DYNC2H1: variants seen among roughly 807,000 people sequenced by gnomAD.
DYNC2H1 encodes cytoplasmic dynein 2 heavy chain 1.
Under a neutral mutation model 570.0 loss-of-function variants are expected in DYNC2H1, and 410 were observed. The observed-to-expected ratio is 0.72, with a 90% CI of 0.66 to 0.78. The LOEUF is 0.78. Among genes scored for constraint, DYNC2H1 ranks in the 30% least tolerant of loss-of-function variants. The pLI is 0.00. For missense variants in DYNC2H1, 4,865 were observed against 5,046.4 expected, an observed-to-expected ratio of 0.96 and a Z score of 1.09; for synonymous variants, 1,688 against 1,677.6, an observed-to-expected ratio of 1.01 and a Z score of -0.15.
At chr11:103,394,907 C>G (rs777924190) in intron 83 of DYNC2H1, among the ~76,000 whole-genome samples, 5 of 151,880 alleles carry the variant, frequency 3.3e-5, no homozygotes, top group African/African-American at 4.8e-5. Context: ...AAATGGGTGG[C>G]AAGAAATTCT....
chr11:103,218,137 A>T (rs1386731437), intron 55 of DYNC2H1, among the ~76,000 whole-genome samples: 1 of 152,244 alleles, frequency 6.6e-6, no homozygotes, highest in Non-Finnish European at 1.5e-5. Flanking sequence ...ATAATGCTAC[A>T]GTTACTTTTC....
At position 103,448,137 on chromosome 11, in the gene DYNC2H1, A is replaced by T. The variant is rs1591771125; in HGVS notation, c.12457-7049A>T. Among the ~76,000 whole-genome samples, 3 of 152,178 alleles carry T rather than the reference A, an allele frequency of 2.0e-5. 1 individual carries two copies. The South Asian group carries it at 6.2e-4, about 31-fold the overall frequency. On this transcript the variant is annotated intron_variant, in intron 85 of 88. Coordinates refer to ENST00000375735, the MANE Select transcript of DYNC2H1 (RefSeq NM_001377.3). ...CCAAGGATTAAAGGGGGAAGAAAAT[A>T]ATAACTTTCGGTAGAAAAATTAGGA... is the stretch of plus-strand genomic sequence containing the variant.
chr11:103,154,475 G>A lies in DYNC2H1; in HGVS notation c.3327G>A (p.Leu1109=). The change falls in exon 23 of 89, where the codon CTG becomes CTA. Residue 1109 remains leucine (L), a synonymous_variant. Coordinates refer to ENST00000375735, the MANE Select transcript of DYNC2H1 (RefSeq NM_001377.3). ...GTGATGATTGCCATCATTTTAGACT[G>A]GAAGAGCCTAATTTCTCCCTGGCAA... The part of the protein sequence containing the change: ...KLVDDCHHFR[L]EEPNFSLASS... The A allele has an allele frequency of 6.5e-7, 1 of 1,549,046 alleles. No individual in the cohort carries two copies. Among genetic ancestry groups the A allele is most frequent in the Non-Finnish European group, 8.7e-7 (1 of 1,149,902 alleles).
chr11:103,354,734 G>GT (rs1940249487), intron 82 of DYNC2H1, among the ~76,000 whole-genome samples: 1 of 150,324 alleles, frequency 6.7e-6, no homozygotes, highest in Non-Finnish European at 1.5e-5. Flanking sequence ...TTGTCAACAT[G>GT]TTTTGCCTTC....
At chr11:103,231,829 T>G (rs948730509) in intron 60 of DYNC2H1, among the ~76,000 whole-genome samples, 2 of 152,000 alleles carry the variant, frequency 1.3e-5, no homozygotes, top group African/African-American at 4.8e-5. Flanking sequence ...TATGAATTTT[T>G]TCTCTACGTT....
chr11:103,233,293 GTTTT>G (rs10600715), intron 60 of DYNC2H1, among the ~76,000 whole-genome samples: 5 of 148,862 alleles, frequency 3.4e-5, no homozygotes, highest in South Asian at 4.2e-4. Context: ...TTAAATGCTG[GTTTT>G]TTTTTTTTTG....
rs140169904 is a variant in DYNC2H1, at chr11:103,114,944, C to T, written c.503-233C>T. ...CTTTTTTGGGGGCCATTTTAAACAG[C>T]GAATCACTAACAAAAAGCACACAGA... On this transcript the variant is annotated intron_variant, in intron 3 of 88. Transcript: ENST00000375735. Among the ~76,000 whole-genome samples, 1,138 of 151,950 alleles carry T rather than the reference C, an allele frequency of 7.5e-3. 11 individuals are homozygous for T. The highest frequency in any genetic ancestry group is 0.025 in the African/African-American group (1,043 of 41,422).
rs1940940262 is a variant in DYNC2H1, at chr11:103,367,048, C to G, written c.12156+8689C>G. Among the ~76,000 whole-genome samples the G allele has an allele frequency of 7.2e-5, 11 of 152,162 alleles. 1 individual carries two copies. In the South Asian group the frequency reaches 2.3e-3, roughly 32 times the overall value. On this transcript the variant is annotated intron_variant, in intron 83 of 88. Coordinates refer to ENST00000375735, the MANE Select transcript of DYNC2H1 (RefSeq NM_001377.3). The stretch of plus-strand genomic sequence containing the variant: ...TCATTTTAGAATCCTAATTAAATTG[C>G]ATATTAAGCAAGTTTTCAATCAACT...
chr11:103,167,883 G>A (rs562328145), intron 31 of DYNC2H1, among the ~76,000 whole-genome samples: 11 of 152,262 alleles, frequency 7.2e-5, no homozygotes, highest in Non-Finnish European at 1.3e-4. Flanking sequence ...TGCTATTTCA[G>A]TCTGTCCCAC....
chr11:103,135,690 T>A, intron 16 of DYNC2H1, 30 bp from the exon 17 acceptor site: 1 of 1,605,612 alleles, frequency 6.2e-7, no homozygotes, highest in South Asian at 1.1e-5. Context: ...TCTAACAATT[T>A]ATGTTTTAAA....
At chr11:103,463,385 C>T (rs1945087413) in intron 87 of DYNC2H1, among the ~76,000 whole-genome samples, 1 of 152,140 alleles carries the variant, frequency 6.6e-6, no homozygotes, top group African/African-American at 2.4e-5. Context: ...AGGACTATAA[C>T]CAGGCTTGTT....
chr11:103,275,000 G>A (rs774244386), intron 70 of DYNC2H1, among the ~76,000 whole-genome samples: 1 of 151,998 alleles, frequency 6.6e-6, no homozygotes, highest in Non-Finnish European at 1.5e-5. Flanking sequence ...AGGCTGAGGC[G>A]GGAGAATCAC....
At chr11:103,438,067 G>A (rs936373799) in intron 85 of DYNC2H1, among the ~76,000 whole-genome samples, 1 of 152,012 alleles carries the variant, frequency 6.6e-6, no homozygotes, top group African/African-American at 2.4e-5. Context: ...TAATTGTAGT[G>A]ATAAAATACC....
At chr11:103,464,449 GA>G (rs1945129701) in intron 87 of DYNC2H1, among the ~76,000 whole-genome samples, 1 of 152,120 alleles carries the variant, frequency 6.6e-6, no homozygotes, top group Non-Finnish European at 1.5e-5. Flanking sequence ...AGAGAAATTT[GA>G]AAAACTAATT....
chr11:103,301,644 T>A (rs1283974175), intron 75 of DYNC2H1, among the ~76,000 whole-genome samples: 1 of 151,956 alleles, frequency 6.6e-6, no homozygotes, highest in Non-Finnish European at 1.5e-5. Context: ...TTTCACCTGT[T>A]ATTAGGAATA....
Position 103,121,478 on chromosome 11 carries a change from T to C in DYNC2H1, c.1467T>C (p.Val489=). The stretch of plus-strand genomic sequence containing the variant: ...AAGTTGTCAACAGTATAGTTTGGGT[T>C]CGCCAGTTGGAATTGAAGGTATTTA... ...LSEVVNSIVW[V]RQLELKVDDT... The change falls in exon 10 of 89, where the codon GTT becomes GTC. Residue 489 remains valine, a synonymous_variant. Transcript: ENST00000375735. The C allele has an allele frequency of 6.2e-7, 1 of 1,612,544 alleles. No homozygotes were observed.
At chr11:103,314,455 ATTCTT>A (rs1489815574) in intron 79 of DYNC2H1, among the ~76,000 whole-genome samples, 3 of 152,064 alleles carry the variant, frequency 2.0e-5, no homozygotes, top group African/African-American at 7.2e-5. Flanking sequence ...GGGCATATAT[ATTCTT>A]TTCAACTTTT....
chr11:103,122,560 T>A (rs575139100), intron 10 of DYNC2H1, among the ~76,000 whole-genome samples: 17 of 152,232 alleles, frequency 1.1e-4, no homozygotes, highest in Non-Finnish European at 1.9e-4. Context: ...TTTTGAGGGC[T>A]GACTTTCCCT....
chr11:103,173,417 CTGA>C, intron 35 of DYNC2H1, 112 bp downstream of exon 35: 2 of 755,824 alleles, frequency 2.6e-6, no homozygotes, highest in Non-Finnish European at 3.8e-6. Flanking sequence ...GATTTTTATT[CTGA>C]TGATTTTATT....
Sources: allele counts gnomAD v4.1 joint callset (sites outside exome capture counted in the v4.1 genomes callset), GRCh38; gene constraint gnomAD v4.1.1; transcripts MANE v1.5; gene names NCBI Gene and HGNC (gene_info 2026-07-23, HGNC 2026-07-21).